CFAP95: variants seen among roughly 807,000 people sequenced by gnomAD.
CFAP95 encodes cilia and flagella associated protein 95.
chr9:69,843,535 TCCTCCTCCTCCTCCTCCTCCTC>T, the CFAP95 span, among the ~76,000 whole-genome samples: 2 of 24,324 alleles, frequency 8.2e-5, no homozygotes, highest in Admixed American at 5.1e-4. Flanking sequence ...CTCCTCCTCC[TCCTCCTCCTCCTCCTCCTCCTC>T]CTTCTTCTTC....
the CFAP95 span, among the ~76,000 whole-genome samples, chr9:69,829,953 A>G: frequency 1.3e-5 from 2 of 152,196 alleles, no homozygotes; most frequent in African/African-American, 4.8e-5. Context: ...GCCCTAGCTT[A>G]AGAAAACAGA....
At chr9:69,825,681 T>G in the CFAP95 span, among the ~76,000 whole-genome samples, 1 of 152,286 alleles carries the variant, frequency 6.6e-6, no homozygotes, top group South Asian at 2.1e-4. Context: ...TGTTAGGATA[T>G]CTTCCCACTC....
At chr9:69,839,962 A>C in the CFAP95 span, among the ~76,000 whole-genome samples, 1 of 151,676 alleles carries the variant, frequency 6.6e-6, no homozygotes, top group Non-Finnish European at 1.5e-5. Context: ...CTGTAATCCC[A>C]GCTATTCAGA....
At chr9:69,828,250 T>C in the CFAP95 span, among the ~76,000 whole-genome samples, 1 of 152,156 alleles carries the variant, frequency 6.6e-6, no homozygotes, top group Non-Finnish European at 1.5e-5. Flanking sequence ...CCAAAGCAAA[T>C]GTGGGTATCT....
At chr9:69,862,632 A>C in the CFAP95 span, among the ~76,000 whole-genome samples, 1 of 152,222 alleles carries the variant, frequency 6.6e-6, no homozygotes, top group African/African-American at 2.4e-5. Context: ...TAAAAGAAAG[A>C]CTGTAATCAT....
At chr9:69,889,786 A>G in the CFAP95 span, among the ~76,000 whole-genome samples, 1 of 152,170 alleles carries the variant, frequency 6.6e-6, no homozygotes, top group Non-Finnish European at 1.5e-5. Context: ...CAAGTATGTT[A>G]TAGTCATATG....
chr9:69,833,363 A>C, the CFAP95 span, among the ~76,000 whole-genome samples: 1 of 152,130 alleles, frequency 6.6e-6, no homozygotes, highest in Non-Finnish European at 1.5e-5. Context: ...TTTCTTAATA[A>C]TACGTCATTA....
At chr9:69,848,788 T>A in the CFAP95 span, among the ~76,000 whole-genome samples, 2 of 152,306 alleles carry the variant, frequency 1.3e-5, no homozygotes, top group East Asian at 3.9e-4. Context: ...GTTTGAAGTT[T>A]TGGCTATTAT....
chr9:69,843,557 CCTTCTTCTTCTTCTTCTTCTTCTT>C, the CFAP95 span, among the ~76,000 whole-genome samples: 115 of 14,702 alleles, frequency 7.8e-3, 1 homozygote, highest in Middle Eastern at 0.071. Flanking sequence ...TCCTCCTCCT[CCTTCTTCTTCTTCTTCTTCTTCTT>C]CTTCTTCTTC....
chr9:69,834,089 A>G, the CFAP95 span, among the ~76,000 whole-genome samples: 5 of 152,192 alleles, frequency 3.3e-5, no homozygotes, highest in Non-Finnish European at 7.3e-5. Context: ...CAGGTAATTG[A>G]GTGATTCTTT....
the CFAP95 span, among the ~76,000 whole-genome samples, chr9:69,897,606 C>G: frequency 6.6e-6 from 1 of 151,868 alleles, no homozygotes; most frequent in South Asian, 2.1e-4. Flanking sequence ...AATAGCCTAC[C>G]AGAAGATTGA....
the CFAP95 span, among the ~76,000 whole-genome samples, chr9:69,825,313 C>G: frequency 1.3e-5 from 2 of 152,138 alleles, no homozygotes; most frequent in Non-Finnish European, 2.9e-5. Context: ...TAACACAGTT[C>G]AAACATTTAG....
the CFAP95 span, chr9:69,844,639 A>G: frequency 6.4e-7 from 1 of 1,570,444 alleles, no homozygotes; most frequent in South Asian, 1.2e-5. Context: ...AGTAGTTGCT[A>G]TTACTTCGTT....
chr9:69,835,147 G>A, the CFAP95 span, among the ~76,000 whole-genome samples: 1 of 152,158 alleles, frequency 6.6e-6, no homozygotes, highest in South Asian at 2.1e-4. Flanking sequence ...GGTATCTTTT[G>A]CTTCTCATTT....
the CFAP95 span, among the ~76,000 whole-genome samples, chr9:69,879,351 AG>A: frequency 1.3e-5 from 2 of 152,158 alleles, no homozygotes; most frequent in Non-Finnish European, 2.9e-5. Flanking sequence ...GCTAAATAGT[AG>A]AAAGGAGAGC....
the CFAP95 span, among the ~76,000 whole-genome samples, chr9:69,845,371 C>T: frequency 2.0e-5 from 3 of 152,126 alleles, no homozygotes; most frequent in East Asian, 1.9e-4. Context: ...AGGATGGCCT[C>T]GGGGCATGAA....
At chr9:69,854,214 C>T in the CFAP95 span, among the ~76,000 whole-genome samples, 1 of 152,140 alleles carries the variant, frequency 6.6e-6, no homozygotes, top group Non-Finnish European at 1.5e-5. Flanking sequence ...TAACTTAAGT[C>T]GAGTCTCCAA....
the CFAP95 span, among the ~76,000 whole-genome samples, chr9:69,897,781 T>C: frequency 2.0e-5 from 3 of 152,114 alleles, no homozygotes; most frequent in Admixed American, 6.6e-5. Context: ...TGTTTAAAGA[T>C]ACATTAATGC....
At chr9:69,878,575 A>G in the CFAP95 span, among the ~76,000 whole-genome samples, 1 of 152,054 alleles carries the variant, frequency 6.6e-6, no homozygotes, top group Non-Finnish European at 1.5e-5. Flanking sequence ...GTGAAGTTTT[A>G]TTTGCTTTAC....
Sources: allele counts gnomAD v4.1 joint callset (sites outside exome capture counted in the v4.1 genomes callset), GRCh38; gene constraint gnomAD v4.1.1; transcripts MANE v1.5; gene names NCBI Gene and HGNC (gene_info 2026-07-23, HGNC 2026-07-21).